UBE2E1: variants seen among roughly 807,000 people sequenced by gnomAD.
UBE2E1 encodes ubiquitin-conjugating enzyme E2 E1.
In UBE2E1, 6 loss-of-function variants were observed where a neutral mutation model predicts 21.4. The ratio of observed to expected loss-of-function variants is 0.28; its 90% CI spans 0.15 to 0.55. UBE2E1 has a LOEUF of 0.55. Ranked by LOEUF, UBE2E1 falls within the 20% of genes least tolerant of loss-of-function variation. UBE2E1 has a pLI of 0.93. For missense variants in UBE2E1, 142 were observed against 236.5 expected, an observed-to-expected ratio of 0.60 and a Z score of 2.62; for synonymous variants, 87 against 82.7, an observed-to-expected ratio of 1.05 and a Z score of -0.28.
Position 23,842,250 on chromosome 3 carries a change from G to GTGTGTGTGTGTGTGTGTGGTGT in UBE2E1, c.203+30743_203+30744insGTGTGTGTGTGTGTGGTGTTGT, listed in dbSNP as rs1553637746. Among the ~76,000 whole-genome samples, 117 of 86,316 alleles carry GTGTGTGTGTGTGTGTGTGGTGT rather than the reference G, an allele frequency of 1.4e-3. No individual in the cohort carries two copies. Among genetic ancestry groups the GTGTGTGTGTGTGTGTGTGGTGT allele is most frequent in the Middle Eastern group, 7.0e-3 (1 of 142 alleles). The allele number at this position is 86,316 out of a possible 152,430, so 56.6% of individuals were successfully genotyped here. On this transcript the variant is annotated intron_variant, in intron 3 of 5. Coordinates refer to ENST00000306627, the MANE Select transcript of UBE2E1 (RefSeq NM_003341.5). This position sits in a 1 kb window ranked among gnomAD's most constrained non-coding sequence, Gnocchi z 4.6. ...GTGTGTGTGTGTGTGTGTGTGTGTG[G>GTGTGTGTGTGTGTGTGTGGTGT]TGTTGTTGTTGTTGGCGACAGGGTC...
intron 3 of UBE2E1, among the ~76,000 whole-genome samples, chr3:23,852,560 G>A (rs187966641): frequency 1.2e-3 from 184 of 152,224 alleles, no homozygotes; most frequent in Middle Eastern, 3.4e-3. Context: ...AATACAGATC[G>A]TGTTACTTCT....
At chr3:23,828,809 T>C (rs966167291) in intron 3 of UBE2E1, among the ~76,000 whole-genome samples, 5 of 152,258 alleles carry the variant, frequency 3.3e-5, no homozygotes, top group Admixed American at 2.0e-4. Flanking sequence ...CAATTTCATC[T>C]AAACCTTATG....
At position 23,823,517 on chromosome 3, in the gene UBE2E1, C is replaced by T. The variant is rs2125288556; in HGVS notation, c.203+12007C>T. On this transcript the variant is annotated intron_variant, in intron 3 of 5. Transcript: ENST00000306627. The surrounding 1 kb of genome is among the most constrained non-coding windows in gnomAD (Gnocchi z 4.2). ...TTCCTACTACCACTTACAACCTTTC[C>T]TCCTCTATGGGGGTACATCTCAATT... is the stretch of plus-strand genomic sequence containing the variant. Among the ~76,000 whole-genome samples the T allele has an allele frequency of 6.6e-6, 1 of 152,262 alleles. No homozygotes were observed. Among genetic ancestry groups the T allele is most frequent in the South Asian group, 2.1e-4 (1 of 4,828 alleles).
chr3:23,833,328 T>C (rs1426145941), intron 3 of UBE2E1, among the ~76,000 whole-genome samples: 1 of 152,242 alleles, frequency 6.6e-6, no homozygotes, highest in Non-Finnish European at 1.5e-5. Flanking sequence ...TTGATAGTCA[T>C]ATATTTAAAA....
At chr3:23,822,157 C>T (rs112301867) in intron 3 of UBE2E1, among the ~76,000 whole-genome samples, 105 of 152,206 alleles carry the variant, frequency 6.9e-4, no homozygotes, top group Admixed American at 1.4e-3. Flanking sequence ...GGAAATGGTG[C>T]TGTGCAGTAG....
intron 3 of UBE2E1, among the ~76,000 whole-genome samples, chr3:23,878,227 T>C (rs1292278173): frequency 6.6e-6 from 1 of 152,134 alleles, no homozygotes. Flanking sequence ...GGGCATCTGA[T>C]TATTCAACAA....
Position 23,840,236 on chromosome 3 carries a change from C to A in UBE2E1, c.203+28726C>A, listed in dbSNP as rs563104207. ...TACAGTTATAACAAGCGTTTACTGT[C>A]TTTTTGTCCACTAATTTCATTATCT... On this transcript the variant is annotated intron_variant, in intron 3 of 5. Coordinates refer to ENST00000306627, the MANE Select transcript of UBE2E1 (RefSeq NM_003341.5). Among the ~76,000 whole-genome samples the A allele has an allele frequency of 1.6e-4, 24 of 152,218 alleles. 1 individual carries two copies. In the South Asian group the frequency reaches 5.0e-3, roughly 32 times the overall value.
In UBE2E1 at chr3:23,849,724, A is replaced by G. The variant is rs552879434; in HGVS notation, c.204-37843A>G. Among the ~76,000 whole-genome samples, 428 of 152,284 alleles carry G rather than the reference A, an allele frequency of 2.8e-3. 2 individuals are homozygous for G. The highest frequency in any genetic ancestry group is 9.6e-3 in the African/African-American group (399 of 41,558). ...ATGGCTGCATAGTATTCCATGGTGT[A>G]TATGTGCCACGTTTTCTTTATCCAG... On this transcript the variant is annotated intron_variant, in intron 3 of 5. Transcript: ENST00000306627.
At position 23,890,685 on chromosome 3, in the gene UBE2E1, T is replaced by G. The variant is rs2125336710; in HGVS notation, c.*79T>G. The G allele has an allele frequency of 2.4e-5, 25 of 1,025,804 alleles. No homozygotes were observed. The highest frequency in any genetic ancestry group is 3.2e-5 in the Non-Finnish European group (22 of 691,674). The allele number at this position is 1,025,804 out of a possible 1,614,324, so 63.5% of individuals were successfully genotyped here. A position where few individuals can be genotyped will look rare whatever the true frequency, so the allele number is the denominator to read the frequency against. On this transcript the variant is annotated 3_prime_UTR_variant, in exon 6 of 6. Coordinates refer to ENST00000306627, the MANE Select transcript of UBE2E1 (RefSeq NM_003341.5). ...ATGATTTTGAAGGGGTCAGGGAGGG[T>G]GGGAGTTGGTAAAGAGTAGGGTATT...
In UBE2E1 at chr3:23,810,678, G is replaced by A; in HGVS notation, c.153-782G>A. ...GCGCCCTGCTTTCGCGCGCGGTCTC[G>A]GGCCAAGGTTCTGGGCGCCGGGAGA... On this transcript the variant is annotated intron_variant, in intron 2 of 5. Coordinates refer to ENST00000306627, the MANE Select transcript of UBE2E1 (RefSeq NM_003341.5). This position sits in a 1 kb window ranked among gnomAD's most constrained non-coding sequence, Gnocchi z 5.8. The A allele has an allele frequency of 1.4e-6, 1 of 714,372 alleles. No homozygotes were observed. The highest frequency in any genetic ancestry group is 1.9e-5 in the African/African-American group (1 of 52,050). The allele number at this position is 714,372 out of a possible 1,614,324, so 44.3% of individuals were successfully genotyped here.
intron 3 of UBE2E1, among the ~76,000 whole-genome samples, chr3:23,818,528 G>C (rs1699575319): frequency 6.6e-6 from 1 of 152,136 alleles, no homozygotes; most frequent in Non-Finnish European, 1.5e-5. Flanking sequence ...GATACAGCAA[G>C]CGCCCACCCT....
intron 2 of UBE2E1, 130 bp downstream of exon 2, chr3:23,807,551 G>A (rs1699305533): frequency 8.6e-7 from 1 of 1,165,476 alleles, no homozygotes; most frequent in Non-Finnish European, 1.2e-6. Context: ...ATGAAAGAAG[G>A]GCCTTGGAAG....
chr3:23,856,323 G>GTTTC (rs1267279922), intron 3 of UBE2E1, among the ~76,000 whole-genome samples: 1 of 152,172 alleles, frequency 6.6e-6, no homozygotes. Flanking sequence ...CCCAGCTGTG[G>GTTTC]TTTCTTATAT....
chr3:23,815,337 CT>C (rs900215131), intron 3 of UBE2E1, among the ~76,000 whole-genome samples: 21 of 152,052 alleles, frequency 1.4e-4, no homozygotes, highest in Admixed American at 1.2e-3. Flanking sequence ...CTTTTGATAG[CT>C]TTTTTTTCCC....
At chr3:23,845,990 G>C (rs555542287) in intron 3 of UBE2E1, among the ~76,000 whole-genome samples, 2 of 152,288 alleles carry the variant, frequency 1.3e-5, no homozygotes, top group East Asian at 3.9e-4. Flanking sequence ...TTGAGGGCCT[G>C]ATTTGGCCCA....
chr3:23,885,600 C>T (rs753909562), intron 3 of UBE2E1, among the ~76,000 whole-genome samples: 1 of 152,188 alleles, frequency 6.6e-6, no homozygotes, highest in Non-Finnish European at 1.5e-5. Flanking sequence ...ATGGCTCACA[C>T]CTATAATCCC....
At chr3:23,828,099 G>A (rs570519648) in intron 3 of UBE2E1, among the ~76,000 whole-genome samples, 34 of 152,224 alleles carry the variant, frequency 2.2e-4, no homozygotes, top group Non-Finnish European at 4.0e-4. Context: ...ACGGTCATTT[G>A]TGTTTGTCTC....
chr3:23,878,968 T>C, intron 3 of UBE2E1: 1 of 432,560 alleles, frequency 2.3e-6, no homozygotes, highest in South Asian at 1.9e-5. Context: ...GCAGAAAAGG[T>C]TGTGGACTGC....
At chr3:23,882,713 G>C (rs949848129) in intron 3 of UBE2E1, among the ~76,000 whole-genome samples, 2 of 152,232 alleles carry the variant, frequency 1.3e-5, no homozygotes, top group African/African-American at 4.8e-5. Flanking sequence ...GCGAGAATTT[G>C]AGCCTGTTGC....
Sources: gnomAD v4.1 joint callset for allele counts (sites outside exome capture counted in the v4.1 genomes callset) on GRCh38, gnomAD v4.1.1 for gene constraint, Gnocchi (gnomAD v3.1) non-coding constraint, MANE v1.5 for transcripts, NCBI Gene and HGNC (gene_info 2026-07-23, HGNC 2026-07-21) for gene names.